The following EEF1D variants were observed in gnomAD, a reference collection of about 807,000 sequenced individuals.
EEF1D encodes the protein eukaryotic translation elongation factor 1 delta, also known as elongation factor 1-delta.
A neutral mutation model predicts 63.9 loss-of-function variants in EEF1D; 47 were observed. That is an observed-to-expected ratio of 0.74 (90% confidence interval 0.58 to 0.94). The LOEUF is 0.94. EEF1D is among the 40% of genes least tolerant of loss of function. The pLI, the probability that EEF1D is intolerant of heterozygous loss-of-function variation, is 0.00. For missense variants in EEF1D, 907 were observed against 899.0 expected (o/e 1.01, Z -0.11); for synonymous variants, 412 against 386.1 (o/e 1.07, Z -0.79).
intron 5 of EEF1D, among the ~76,000 whole-genome samples, chr8:143,584,482 G>A (rs1290055742): frequency 3.3e-5 from 5 of 152,040 alleles, no homozygotes; most frequent in Admixed American, 2.0e-4. Flanking sequence ...CAGGAGAATC[G>A]CTTGAACCCC....
chr8:143,585,964 G>A (rs1826501888), intron 5 of EEF1D: 1 of 462,848 alleles, frequency 2.2e-6, no homozygotes, highest in African/African-American at 2.0e-5. Flanking sequence ...TCAGCTCCCA[G>A]CCGGCCCCAC....
intron 7 of EEF1D, 29 bp downstream of exon 7, chr8:143,581,025 G>T: frequency 6.2e-7 from 1 of 1,603,818 alleles, no homozygotes; most frequent in East Asian, 2.2e-5. Context: ...GTGGTCCCCT[G>T]CAGTGTCAGG....
At chr8:143,585,148 A>G (rs550955242) in intron 5 of EEF1D, among the ~76,000 whole-genome samples, 8 of 152,274 alleles carry the variant, frequency 5.3e-5, no homozygotes, top group African/African-American at 1.9e-4. Context: ...CAAATCCACT[A>G]CCTTACATGG....
chr8:143,586,960 A>G (rs1162643754), intron 3 of EEF1D, 108 bp from the exon 4 acceptor site: 1 of 1,484,676 alleles, frequency 6.7e-7, no homozygotes, highest in Non-Finnish European at 9.2e-7. Flanking sequence ...TTCAGACACC[A>G]GCGGTTCTCC....
rs1382047833 is a variant in EEF1D, at chr8:143,581,221, G to A, written c.1387+8C>T. On this transcript the variant is annotated splice_region_variant and intron_variant, in intron 6 of 9. Coordinates refer to ENST00000618139, the MANE Select transcript of EEF1D (RefSeq NM_001130053.5). The stretch of plus-strand genomic sequence containing the variant: ...GGACAGCCCCAACCCACTGGCCCGG[G>A]GCCTCACCGCCACGCAGACTCTGGT... 6.2e-7 allele frequency: 1 copy of A among 1,612,796 alleles called. No individual in the cohort carries two copies. Among genetic ancestry groups the A allele is most frequent in the Non-Finnish European group, 8.5e-7 (1 of 1,179,938 alleles).
chr8:143,589,787 C>T lies in EEF1D; in HGVS notation c.295G>A (p.Ala99Thr), dbSNP rs140837533. ...GAGAGGCCCAGGAGGGCCAGGTCCG[C>T]GGGGCCGAGCCCGCTCTTGGGGGAG... ...KRSPKSGLGP[A>T]DLALLGLSAE... The change falls in exon 3 of 10, where the codon GCG (alanine) becomes ACG (threonine). Residue 99 changes from alanine to threonine, a missense_variant. Physicochemically the swap from Ala to Thr is moderately conservative, Grantham distance 58. Transcript: ENST00000618139. 36 of 1,573,624 alleles carry T rather than the reference C, an allele frequency of 2.3e-5. No individual in the cohort carries two copies. The highest frequency in any genetic ancestry group is 1.5e-4 in the African/African-American group (11 of 73,326).
At chr8:143,580,787 G>A in intron 7 of EEF1D, 60 bp from the exon 8 acceptor site, 1 of 1,582,958 alleles carries the variant, frequency 6.3e-7, no homozygotes, top group Non-Finnish European at 8.6e-7. Flanking sequence ...GCCCAGAGCT[G>A]CCTGGCCACC....
intron 1 of EEF1D, 160 bp from the exon 2 acceptor site, chr8:143,592,820 G>A (rs148169243): frequency 4.8e-4 from 231 of 482,036 alleles, no homozygotes; most frequent in African/African-American, 4.5e-3. Context: ...GAAGCTGAGC[G>A]CCAGACAGAC....
chr8:143,588,035 G>A (rs1224779122), intron 3 of EEF1D, among the ~76,000 whole-genome samples: 1 of 152,166 alleles, frequency 6.6e-6, no homozygotes, highest in African/African-American at 2.4e-5. Flanking sequence ...GAGTCTGTGA[G>A]CGTCCTCTGC....
chr8:143,589,771 A>T lies in EEF1D; in HGVS notation c.311T>A (p.Leu104Gln). 1 of 1,554,252 alleles carries T rather than the reference A, an allele frequency of 6.4e-7. No homozygotes were observed. The highest frequency in any genetic ancestry group is 8.7e-7 in the Non-Finnish European group (1 of 1,152,526). ...SGLGPADLAL[L>Q]GLSAERVWLD... ...CCACACGCGTTCGGCCGAGAGGCCC[A>T]GGAGGGCCAGGTCCGCGGGGCCGAG... Residue 104 changes from leucine (L) to glutamine (Q), a missense_variant, in exon 3 of 10, where the codon CTG (leucine) becomes CAG (glutamine). Leu to Gln is a moderately radical substitution (Grantham distance 113). Transcript: ENST00000618139.
rs1813537694 is a variant in EEF1D at position 143,586,810 on chromosome 8, C to T, written c.1134G>A (p.Trp378Ter). The change falls in exon 4 of 10, where the codon TGG becomes TGA. Residue 378 changes from tryptophan (W) to a stop codon, truncating the protein, a stop_gained. Coordinates refer to ENST00000618139, the MANE Select transcript of EEF1D (RefSeq NM_001130053.5). LOFTEE classifies it high-confidence loss of function. Reference sequence around the variant, plus strand: ...CGTCGTCATATTTGAACTTGTCGAACCAGATCTTCTCATGTGCTAGGAAGT... The same window carrying T: ...CGTCGTCATATTTGAACTTGTCGAATCAGATCTTCTCATGTGCTAGGAAGT... ...ATNFLAHEKI[W>*]FDKFKYDDAE... 4 of 1,614,196 alleles carry T rather than the reference C, an allele frequency of 2.5e-6. No individual in the cohort carries two copies. Among genetic ancestry groups the T allele is most frequent in the Non-Finnish European group, 3.4e-6 (4 of 1,180,018 alleles).
chr8:143,595,362 G>A lies in EEF1D; in HGVS notation c.-15+1986C>T, dbSNP rs115282690. 6.2e-3 allele frequency among the ~76,000 whole-genome samples: 931 copies of A among 151,372 alleles called. 7 individuals are homozygous for A. The highest frequency in any genetic ancestry group is 0.021 in the African/African-American group (878 of 41,170). ...CTGGGATTACAGACATGAGCCATGC[G>A]CCCAGCCTAATTTTCGTATTTTTAG... On this transcript the variant is annotated intron_variant, in intron 1 of 9. Coordinates refer to ENST00000618139, the MANE Select transcript of EEF1D (RefSeq NM_001130053.5).
intron 9 of EEF1D, 57 bp downstream of exon 9, chr8:143,579,955 G>A (rs1047804962): frequency 6.3e-7 from 1 of 1,583,678 alleles, no homozygotes. Context: ...GGAGTGCAGG[G>A]TATGGGCCAG....
intron 3 of EEF1D, 102 bp from the exon 4 acceptor site, chr8:143,586,954 G>C: frequency 1.3e-6 from 2 of 1,499,638 alleles, no homozygotes; most frequent in Admixed American, 3.6e-5. Flanking sequence ...ACCCGCTTCA[G>C]ACACCAGCGG....
chr8:143,581,034 G>C lies in EEF1D; in HGVS notation c.1488+20C>G, dbSNP rs200677138. 71 of 1,609,052 alleles carry C rather than the reference G, an allele frequency of 4.4e-5. No homozygotes were observed. In the African/African-American group the frequency reaches 8.8e-4, roughly 20 times the overall value. On this transcript the variant is annotated intron_variant, in intron 7 of 9. Transcript: ENST00000618139. ...GGCCACGTGGTCCCCTGCAGTGTCA[G>C]GCGTGGGGAGAGCATTCACCTGGGT...
At chr8:143,596,023 A>T (rs1461521902) in intron 1 of EEF1D, 1 of 152,374 alleles carries the variant, frequency 6.6e-6, no homozygotes, top group Non-Finnish European at 1.5e-5. Flanking sequence ...AGCCCCCAGA[A>T]GGCTGACGCC....
At chr8:143,592,233 GCAGTGCCA>G (rs1828091810) in intron 2 of EEF1D, 1 of 985,418 alleles carries the variant, frequency 1.0e-6, no homozygotes, top group South Asian at 4.7e-5. Context: ...GGTCCCATCA[GCAGTGCCA>G]CTGAGCTGGC....
chr8:143,594,173 C>T (rs1349630362), intron 1 of EEF1D: 4 of 152,366 alleles, frequency 2.6e-5, no homozygotes, highest in Non-Finnish European at 5.9e-5. Context: ...CTACTCTGCT[C>T]CTGGAAGCAG....
In EEF1D at chr8:143,580,548, A is replaced by C. The variant is rs768364739; in HGVS notation, c.1668T>G (p.Pro556=). 1.2e-6 allele frequency: 2 copies of C among 1,612,974 alleles called. No homozygotes were observed. Among genetic ancestry groups the C allele is most frequent in the African/African-American group, 2.7e-5 (2 of 74,910 alleles). Residue 556 remains proline (P), a synonymous_variant, in exon 8 of 10, where the codon CCT becomes CCG. Coordinates refer to ENST00000618139, the MANE Select transcript of EEF1D (RefSeq NM_001130053.5). The stretch of plus-strand genomic sequence containing the variant: ...GGATGGAGGACTTGGCCACCAGTGC[A>C]GGCTTCTTGGCCTTCTTCTCCGCGT... The part of the protein sequence containing the change: ...RQYAEKKAKK[P]ALVAKSSILL...
Sources: gnomAD v4.1 joint callset for allele counts (sites outside exome capture counted in the v4.1 genomes callset) on GRCh38, gnomAD v4.1.1 for gene constraint, MANE v1.5 for transcripts, NCBI Gene and HGNC (gene_info 2026-07-23, HGNC 2026-07-21) for gene names.